MRM1: variants seen among roughly 807,000 people sequenced by gnomAD.
MRM1 encodes the protein mitochondrial rRNA methyltransferase 1, also known as rRNA methyltransferase 1, mitochondrial.
Under a neutral mutation model 25.0 loss-of-function variants are expected in MRM1, and 24 were observed. The ratio of observed to expected loss-of-function variants is 0.96; its 90% CI spans 0.69 to 1.35. MRM1 has a LOEUF of 1.35. Among genes scored for constraint, MRM1 ranks in the 40% most tolerant of loss-of-function variants. The probability of loss-of-function intolerance (pLI) is 0.00; values close to 1 mark genes in which losing one functional copy is unlikely to be tolerated. For missense variants in MRM1, 431 were observed against 464.1 expected, an observed-to-expected ratio of 0.93 and a Z score of 0.65; for synonymous variants, 188 against 199.2, an observed-to-expected ratio of 0.94 and a Z score of 0.47.
chr17:36,602,444 C>A lies in MRM1; in HGVS notation c.542+92C>A. ...GCCCTTGGGTGATCCCTTAGCCAGACTTACCTGTCCCAGAACTCTCATCCC... is the reference window on the plus strand; with the variant it reads ...GCCCTTGGGTGATCCCTTAGCCAGAATTACCTGTCCCAGAACTCTCATCCC... On this transcript the variant is annotated intron_variant, in intron 1 of 4. Transcript: ENST00000614766. The surrounding 1 kb of genome is among the most constrained non-coding windows in gnomAD (Gnocchi z 4.1). 6.3e-7 allele frequency: 1 copy of A among 1,576,806 alleles called. No individual in the cohort carries two copies. Among genetic ancestry groups the A allele is most frequent in the Non-Finnish European group, 8.6e-7 (1 of 1,157,954 alleles).
chr17:36,623,428 TATC>T, the MRM1 span, among the ~76,000 whole-genome samples: 2 of 152,364 alleles, frequency 1.3e-5, no homozygotes, highest in South Asian at 2.1e-4. Context: ...CAAATATAGT[TATC>T]AGCAGCAACT....
At chr17:36,633,185 G>A in the MRM1 span, among the ~76,000 whole-genome samples, 2 of 152,158 alleles carry the variant, frequency 1.3e-5, no homozygotes, top group Non-Finnish European at 2.9e-5. Flanking sequence ...CCCCAGAGAA[G>A]AGCCCCTCCC....
chr17:36,613,535 C>G (rs538430578), downstream of MRM1, among the ~76,000 whole-genome samples: 2 of 152,314 alleles, frequency 1.3e-5, no homozygotes, highest in Non-Finnish European at 2.9e-5. Flanking sequence ...ACCCCTCTGC[C>G]TCCCCTTCCC....
chr17:36,606,908 G>GTTTTTTT (rs1476948244), intron 2 of MRM1, among the ~76,000 whole-genome samples: 2 of 141,388 alleles, frequency 1.4e-5, no homozygotes, highest in African/African-American at 5.4e-5. Flanking sequence ...ACTGCGCCTG[G>GTTTTTTT]TTTTTTGTTT....
the MRM1 span, among the ~76,000 whole-genome samples, chr17:36,617,893 C>T: frequency 7.6e-3 from 1,163 of 152,288 alleles, 12 homozygotes; most frequent in Non-Finnish European, 0.012. Context: ...AGGCTGTGTC[C>T]GCACACCATG....
At chr17:36,624,786 A>G in the MRM1 span, among the ~76,000 whole-genome samples, 3 of 152,062 alleles carry the variant, frequency 2.0e-5, no homozygotes, top group African/African-American at 7.2e-5. This position sits in a 1 kb window ranked among gnomAD's most constrained non-coding sequence, Gnocchi z 4.0. Flanking sequence ...TTCTTGTAGC[A>G]TAGGGATAAT....
intron 2 of MRM1, among the ~76,000 whole-genome samples, chr17:36,604,204 T>C (rs1462634422): frequency 6.6e-6 from 1 of 152,196 alleles, no homozygotes; most frequent in East Asian, 1.9e-4. Context: ...CATTCCCCTC[T>C]CACGCTCTTG....
downstream of MRM1, among the ~76,000 whole-genome samples, chr17:36,609,560 ACCTCT>A (rs2074961816): frequency 6.6e-6 from 1 of 152,086 alleles, no homozygotes; most frequent in Non-Finnish European, 1.5e-5. Context: ...CTGTAGCATG[ACCTCT>A]CATTATGAAA....
the MRM1 span, among the ~76,000 whole-genome samples, chr17:36,630,954 G>T: frequency 2.0e-5 from 3 of 152,152 alleles, no homozygotes; most frequent in African/African-American, 4.8e-5. Context: ...TAAAAATCAG[G>T]CTGGCTGGGG....
At chr17:36,605,153 AAGAGAGAGAG>A (rs35548352) in intron 2 of MRM1, among the ~76,000 whole-genome samples, 4 of 145,158 alleles carry the variant, frequency 2.8e-5, no homozygotes, top group Non-Finnish European at 4.5e-5. Flanking sequence ...AAAAAAAAAA[AAGAGAGAGAG>A]AGAGAGAGAG....
rs976624875 is a variant in MRM1, at chr17:36,607,751, A to G, written c.718A>G (p.Ile240Val). The part of the protein sequence containing the change: ...TEDPQSSEIP[I>V]MSCLEFLWER... ...GGATCCCCAGTCCTCCGAGATCCCC[A>G]TCATGAGTTGCTTGGAGTTCCTCTG... is the stretch of plus-strand genomic sequence containing the variant. Residue 240 changes from isoleucine (I) to valine (V), a missense_variant, in exon 3 of 5, where the codon ATC (isoleucine) becomes GTC (valine). By Grantham distance (29) the Ile-to-Val change is conservative. Transcript: ENST00000614766. 1.2e-6 allele frequency: 2 copies of G among 1,614,110 alleles called. No homozygotes were observed. Among genetic ancestry groups the G allele is most frequent in the Non-Finnish European group, 8.5e-7 (1 of 1,180,006 alleles).
rs776572568 is a variant in MRM1, at chr17:36,607,719, G to A, written c.686G>A (p.Ser229Asn). 6 of 1,614,046 alleles carry A rather than the reference G, an allele frequency of 3.7e-6. No homozygotes were observed. In the Admixed American group the frequency reaches 6.7e-5, roughly 18 times the overall value. The stretch of plus-strand genomic sequence containing the variant: ...GTGGCCGGCACGGTGGGCTGCCCAA[G>A]CACAGAGGATCCCCAGTCCTCCGAG... The part of the protein sequence containing the change: ...WLVAGTVGCP[S>N]TEDPQSSEIP... The change falls in exon 3 of 5, where the codon AGC becomes AAC. Residue 229 changes from serine (S) to asparagine (N), a missense_variant. Ser to Asn is a conservative substitution (Grantham distance 46). Transcript: ENST00000614766.
the MRM1 span, among the ~76,000 whole-genome samples, chr17:36,615,389 G>A: frequency 2.6e-5 from 4 of 152,300 alleles, no homozygotes; most frequent in South Asian, 2.1e-4. Context: ...TGGCGGGCGC[G>A]GTGGCTCATG....
chr17:36,615,121 A>G, the MRM1 span, among the ~76,000 whole-genome samples: 956 of 152,248 alleles, frequency 6.3e-3, 12 homozygotes, highest in African/African-American at 0.022. Flanking sequence ...AAGGATTTTT[A>G]TGGAAATGCC....
chr17:36,622,262 G>A, the MRM1 span, among the ~76,000 whole-genome samples: 1 of 152,122 alleles, frequency 6.6e-6, no homozygotes, highest in Non-Finnish European at 1.5e-5. Context: ...TAGATTTGGG[G>A]TTTTGGGGGC....
rs1388858966 is a variant in MRM1, at chr17:36,602,185, G to C, written c.375G>C (p.Pro125=). 1 of 1,610,964 alleles carries C rather than the reference G, an allele frequency of 6.2e-7. No individual in the cohort carries two copies. The highest frequency in any genetic ancestry group is 1.7e-4 in the Middle Eastern group (1 of 5,970). The change falls in exon 1 of 5, where the codon CCG becomes CCC. Residue 125 remains proline (P), a synonymous_variant. Transcript: ENST00000614766. The surrounding 1 kb of genome is among the most constrained non-coding windows in gnomAD (Gnocchi z 4.1). The stretch of plus-strand genomic sequence containing the variant: ...AGGGTGTCTGCATGGAGGTGAGCCC[G>C]CTGCGGCCCCGGCCTTGGAGAGAGG... ...VHQGVCMEVS[P]LRPRPWREAG...
downstream of MRM1, among the ~76,000 whole-genome samples, chr17:36,613,768 ACCACTCAGCTGCAG>A (rs2074991091): frequency 1.3e-5 from 2 of 150,286 alleles, no homozygotes; most frequent in South Asian, 4.2e-4. Flanking sequence ...GCCTTTATTC[ACCACTCAGCTGCAG>A]CCCTGAGGCC....
intron 2 of MRM1, among the ~76,000 whole-genome samples, chr17:36,603,675 A>G (rs1016050376): frequency 6.6e-6 from 1 of 152,152 alleles, no homozygotes; most frequent in African/African-American, 2.4e-5. Flanking sequence ...CTGGGATTAT[A>G]GGCATGAGCC....
At chr17:36,617,844 C>A in the MRM1 span, among the ~76,000 whole-genome samples, 1 of 152,188 alleles carries the variant, frequency 6.6e-6, no homozygotes, top group African/African-American at 2.4e-5. Context: ...CCTGCCCTGG[C>A]CGGGTCACTG....
Sources: gnomAD v4.1 joint callset for allele counts (sites outside exome capture counted in the v4.1 genomes callset) on GRCh38, gnomAD v4.1.1 for gene constraint, Gnocchi (gnomAD v3.1) non-coding constraint, MANE v1.5 for transcripts, NCBI Gene and HGNC (gene_info 2026-07-23, HGNC 2026-07-21) for gene names.